The following TNS3 variants were observed in gnomAD, a reference collection of about 807,000 sequenced individuals.
TNS3 encodes tensin 3.
Under a neutral mutation model 140.9 loss-of-function variants are expected in TNS3, and 45 were observed. That is an observed-to-expected ratio of 0.32 (90% CI 0.25 to 0.41). The LOEUF (loss-of-function observed/expected upper bound fraction) is 0.41. TNS3 is among the 10% of genes least tolerant of loss of function. TNS3 has a pLI of 1.00. For synonymous variants in TNS3, 815 were observed against 788.4 expected (o/e 1.03, Z -0.56); for missense variants, 1,716 against 1,906.7 (o/e 0.90, Z 1.86).
chr7:47,396,810 T>G lies in TNS3; in HGVS notation c.1014A>C (p.Ala338=), dbSNP rs527670320. The stretch of plus-strand genomic sequence containing the variant: ...GATGAACACACGCACCTTCTCCATC[T>G]GCACTGAGGTTCTCGTACGAGTCCC... ...IRWDSYENLS[A]DGEVLHTQGP... The change falls in exon 16 of 31, where the codon GCA becomes GCC. Residue 338 remains alanine, a synonymous_variant. Coordinates refer to ENST00000311160, the MANE Select transcript of TNS3 (RefSeq NM_022748.12). The G allele has an allele frequency of 3.0e-5, 49 of 1,613,880 alleles. 3 individuals carry two copies. The Middle Eastern group carries it at 3.8e-3, about 125-fold the overall frequency.
At position 47,404,761 on chromosome 7, in the gene TNS3, G is replaced by A. The variant is rs552402650; in HGVS notation, c.724-3847C>T. On this transcript the variant is annotated intron_variant, in intron 13 of 30. Transcript: ENST00000311160. The stretch of plus-strand genomic sequence containing the variant: ...AAGCCGGTCATGGGGGCAGGCGCCT[G>A]TAGTCCCAGCTACTCGGGAGGCTGA... Among the ~76,000 whole-genome samples the A allele has an allele frequency of 3.3e-4, 50 of 152,238 alleles. 1 individual carries two copies. The highest frequency in any genetic ancestry group is 9.8e-4 in the Admixed American group (15 of 15,298).
chr7:47,302,149 G>A lies in TNS3; in HGVS notation c.3544+37C>T, dbSNP rs1041049660. The A allele has an allele frequency of 2.6e-6, 4 of 1,558,730 alleles. No individual in the cohort carries two copies. In the African/African-American group the frequency reaches 4.1e-5, roughly 16 times the overall value. On this transcript the variant is annotated intron_variant, in intron 23 of 30. Coordinates refer to ENST00000311160, the MANE Select transcript of TNS3 (RefSeq NM_022748.12). ...ACAAGGCAGCGAAGCGGGCACTAGG[G>A]CAGATGCCCAAGGAGGCCCTCATCC...
chr7:47,367,552 C>A (rs1790777439), intron 17 of TNS3, among the ~76,000 whole-genome samples: 1 of 152,218 alleles, frequency 6.6e-6, no homozygotes, highest in Non-Finnish European at 1.5e-5. Context: ...GGTTTCCAAA[C>A]CACCAGCCTC....
intron 17 of TNS3, among the ~76,000 whole-genome samples, chr7:47,354,044 T>A (rs1475976727): frequency 6.9e-6 from 1 of 145,722 alleles, no homozygotes; most frequent in Non-Finnish European, 1.5e-5. Context: ...AATTCCAAGG[T>A]ACGACAAAGA....
intron 8 of TNS3, among the ~76,000 whole-genome samples, chr7:47,431,324 G>A (rs901404076): frequency 2.6e-5 from 4 of 152,184 alleles, no homozygotes; most frequent in Admixed American, 2.6e-4. Context: ...GCAGGGCGCG[G>A]TGGCTCATGC....
At chr7:47,456,602 C>G (rs4724580) in intron 4 of TNS3, among the ~76,000 whole-genome samples, 50,178 of 152,074 alleles carry the variant, frequency 0.33, 8,751 homozygotes, top group East Asian at 0.55. Flanking sequence ...GGCATCCATT[C>G]AGGATGTGAG....
At chr7:47,413,219 T>G (rs60769041) in intron 12 of TNS3, among the ~76,000 whole-genome samples, 1 of 146,986 alleles carries the variant, frequency 6.8e-6, no homozygotes, top group Admixed American at 6.9e-5. Context: ...CCCAAAGTGC[T>G]GGGATTACAG....
chr7:47,553,546 T>A (rs1327714474), intron 1 of TNS3, among the ~76,000 whole-genome samples: 1 of 152,234 alleles, frequency 6.6e-6, no homozygotes, highest in Non-Finnish European at 1.5e-5. Context: ...AACTTCTGCA[T>A]ACAACATGGT....
At chr7:47,556,893 C>T (rs567563251) in intron 1 of TNS3, 2 of 382,454 alleles carry the variant, frequency 5.2e-6, no homozygotes, top group Non-Finnish European at 1.0e-5. Context: ...TGGCGATTCT[C>T]AATGCAACGG....
intron 4 of TNS3, among the ~76,000 whole-genome samples, chr7:47,448,025 G>A (rs1795836817): frequency 6.6e-6 from 1 of 152,198 alleles, no homozygotes. Flanking sequence ...TGGGGGCCCT[G>A]GCAGAAGGAG....
At chr7:47,328,184 G>A (rs1366317149) in intron 20 of TNS3, among the ~76,000 whole-genome samples, 1 of 152,020 alleles carries the variant, frequency 6.6e-6, no homozygotes, top group Admixed American at 6.5e-5. Flanking sequence ...GGGGCGGGGC[G>A]GCCACCTCCA....
intron 4 of TNS3, among the ~76,000 whole-genome samples, chr7:47,451,187 C>A (rs977962472): frequency 2.0e-5 from 3 of 152,174 alleles, no homozygotes; most frequent in Non-Finnish European, 4.4e-5. Flanking sequence ...CCTAAGCCTG[C>A]AAAGAGAATA....
At chr7:47,483,888 C>T (rs980391208) in intron 3 of TNS3, among the ~76,000 whole-genome samples, 8 of 152,258 alleles carry the variant, frequency 5.3e-5, no homozygotes, top group Non-Finnish European at 7.3e-5. Flanking sequence ...TTTTCACTGA[C>T]AGCCTTCTCC....
chr7:47,484,696 A>C (rs1797547296), intron 3 of TNS3, among the ~76,000 whole-genome samples: 1 of 152,186 alleles, frequency 6.6e-6, no homozygotes, highest in Non-Finnish European at 1.5e-5. Flanking sequence ...ACTGATCTAC[A>C]GGCTGCCCTG....
chr7:47,565,422 A>G (rs568870709), intron 1 of TNS3, among the ~76,000 whole-genome samples: 1 of 151,832 alleles, frequency 6.6e-6, no homozygotes, highest in East Asian at 1.9e-4. Context: ...GCTGGAGTGC[A>G]GTGGTGCAAT....
chr7:47,547,487 G>A (rs1293873209), intron 1 of TNS3, among the ~76,000 whole-genome samples: 1 of 152,066 alleles, frequency 6.6e-6, no homozygotes. Context: ...TTTTATCAAT[G>A]GGGTTCCGGG....
chr7:47,509,680 G>A (rs1057460900), intron 2 of TNS3, among the ~76,000 whole-genome samples: 4 of 152,014 alleles, frequency 2.6e-5, no homozygotes, highest in Non-Finnish European at 4.4e-5. Flanking sequence ...CTATCCTGCC[G>A]CCCACAGGAG....
intron 1 of TNS3, among the ~76,000 whole-genome samples, chr7:47,571,398 C>T (rs1800551094): frequency 6.6e-6 from 1 of 152,248 alleles, no homozygotes; most frequent in African/African-American, 2.4e-5. Flanking sequence ...TCCGCTTCAC[C>T]CCCAGGGTAA....
intron 20 of TNS3, among the ~76,000 whole-genome samples, chr7:47,339,511 C>A (rs1286181577): frequency 2.0e-5 from 3 of 152,134 alleles, no homozygotes; most frequent in Non-Finnish European, 2.9e-5. Context: ...TCTGTGTAGG[C>A]CTGTTTCTGG....
Sources: allele counts gnomAD v4.1 joint callset (sites outside exome capture counted in the v4.1 genomes callset), GRCh38; gene constraint gnomAD v4.1.1; transcripts MANE v1.5; gene names NCBI Gene and HGNC (gene_info 2026-07-23, HGNC 2026-07-21).